The following FBXL7 variants were observed in gnomAD, a reference collection of about 807,000 sequenced individuals.
FBXL7 encodes the protein F-box and leucine rich repeat protein 7.
FBXL7 carries 12 observed loss-of-function variants against 38.3 expected under a neutral mutation model. The ratio of observed to expected loss-of-function variants is 0.31; its 90% confidence interval spans 0.20 to 0.51. The LOEUF is 0.51. FBXL7 is among the 20% of genes least tolerant of loss of function. FBXL7 has a pLI of 0.98. For synonymous variants in FBXL7, 297 were observed against 300.9 expected (o/e 0.99, Z 0.13); for missense variants, 567 against 676.4 (o/e 0.84, Z 1.79).
At chr5:15,543,276 A>G (rs372138152) in intron 1 of FBXL7, among the ~76,000 whole-genome samples, 3 of 152,340 alleles carry the variant, frequency 2.0e-5, no homozygotes, top group Admixed American at 1.3e-4. Flanking sequence ...ATGGTGGCAG[A>G]CAAGAGGGCA....
intron 2 of FBXL7, among the ~76,000 whole-genome samples, chr5:15,820,488 C>G (rs1738141087): frequency 6.6e-6 from 1 of 152,144 alleles, no homozygotes; most frequent in African/African-American, 2.4e-5. Flanking sequence ...ATCTCTCTTC[C>G]TCCCCTTCCC....
At chr5:15,535,740 G>A (rs1455825492) in intron 1 of FBXL7, among the ~76,000 whole-genome samples, 1 of 152,176 alleles carries the variant, frequency 6.6e-6, no homozygotes, top group South Asian at 2.1e-4. Flanking sequence ...GAGGGAAGCA[G>A]AACATAAAAG....
chr5:15,774,150 AT>A (rs35364016), intron 2 of FBXL7, among the ~76,000 whole-genome samples: 2 of 150,828 alleles, frequency 1.3e-5, no homozygotes, highest in Admixed American at 6.6e-5. Context: ...TGTTTCTTTG[AT>A]TTTTTTTTCA....
At chr5:15,721,913 C>T (rs1469571882) in intron 2 of FBXL7, among the ~76,000 whole-genome samples, 7 of 152,176 alleles carry the variant, frequency 4.6e-5, no homozygotes, top group Admixed American at 6.5e-5. Context: ...CAGCTCACTG[C>T]AACCTCTGCC....
chr5:15,687,017 C>G (rs1579377998), intron 2 of FBXL7, among the ~76,000 whole-genome samples: 1 of 152,320 alleles, frequency 6.6e-6, no homozygotes, highest in Non-Finnish European at 1.5e-5. Flanking sequence ...AACCCATCCC[C>G]ATATCCTGAA....
intron 1 of FBXL7, among the ~76,000 whole-genome samples, chr5:15,542,741 A>G (rs931820503): frequency 1.3e-5 from 2 of 152,228 alleles, no homozygotes; most frequent in Non-Finnish European, 2.9e-5. Context: ...TTTGATTGAG[A>G]CAAATCTAAA....
At chr5:15,798,785 TC>T (rs1737481641) in intron 2 of FBXL7, among the ~76,000 whole-genome samples, 1 of 152,176 alleles carries the variant, frequency 6.6e-6, no homozygotes. Context: ...ACCTTGAAGG[TC>T]CAGCAGATAT....
intron 1 of FBXL7, among the ~76,000 whole-genome samples, chr5:15,560,513 C>T (rs1738379845): frequency 1.3e-5 from 2 of 152,204 alleles, no homozygotes; most frequent in Non-Finnish European, 2.9e-5. Flanking sequence ...TCTCAGAGTT[C>T]TTTCCTAGGT....
At chr5:15,687,258 A>G (rs1440136076) in intron 2 of FBXL7, among the ~76,000 whole-genome samples, 1 of 152,254 alleles carries the variant, frequency 6.6e-6, no homozygotes, top group African/African-American at 2.4e-5. Flanking sequence ...TTGTAATTCA[A>G]AAGCCCTGAG....
At chr5:15,607,737 T>C (rs1027271418) in intron 1 of FBXL7, among the ~76,000 whole-genome samples, 1 of 152,230 alleles carries the variant, frequency 6.6e-6, no homozygotes, top group African/African-American at 2.4e-5. Context: ...ACCAAAATTA[T>C]CGATCCACTA....
At chr5:15,765,670 A>G (rs1433268027) in intron 2 of FBXL7, among the ~76,000 whole-genome samples, 1 of 152,156 alleles carries the variant, frequency 6.6e-6, no homozygotes, top group Non-Finnish European at 1.5e-5. Flanking sequence ...GCTCTAGGGT[A>G]AGTGGCACCA....
chr5:15,654,186 G>A lies in FBXL7; in HGVS notation c.127+38114G>A, dbSNP rs368325733. On this transcript the variant is annotated intron_variant, in intron 2 of 3. Transcript: ENST00000504595. ...AGGGTTTGCTTGTTTTTACTCTAGG[G>A]CAAAGGTGCATAACTTCTTGTAATA... is the stretch of plus-strand genomic sequence containing the variant. 1.4e-4 allele frequency among the ~76,000 whole-genome samples: 22 copies of A among 152,224 alleles called. No homozygotes were observed. In the South Asian group the frequency reaches 4.1e-3, roughly 29 times the overall value.
intron 2 of FBXL7, among the ~76,000 whole-genome samples, chr5:15,694,422 C>T (rs1743270666): frequency 6.6e-6 from 1 of 152,208 alleles, no homozygotes; most frequent in East Asian, 1.9e-4. Context: ...TGTCCCTAGC[C>T]TGACACAGGG....
At chr5:15,526,016 CTGTGTCCTTG>C (rs200825533) in intron 1 of FBXL7, among the ~76,000 whole-genome samples, 1,864 of 152,194 alleles carry the variant, frequency 0.012, 11 homozygotes, top group Admixed American at 0.019. Context: ...AAATACTGTT[CTGTGTCCTTG>C]TTGAAAATGA....
chr5:15,696,601 C>T (rs373360936), intron 2 of FBXL7, among the ~76,000 whole-genome samples: 24 of 152,206 alleles, frequency 1.6e-4, no homozygotes, highest in African/African-American at 4.1e-4. Context: ...ATATTGCTTA[C>T]GGTAAGTTTT....
At chr5:15,539,228 C>T (rs1236929105) in intron 1 of FBXL7, among the ~76,000 whole-genome samples, 2 of 152,256 alleles carry the variant, frequency 1.3e-5, no homozygotes, top group East Asian at 3.9e-4. Flanking sequence ...CGGATCTTAG[C>T]TTGGTTTGTA....
chr5:15,577,169 C>T (rs758701206), intron 1 of FBXL7, among the ~76,000 whole-genome samples: 3 of 152,144 alleles, frequency 2.0e-5, no homozygotes, highest in Admixed American at 6.5e-5. Flanking sequence ...TTCTGACAGG[C>T]GTGGTTCACT....
intron 2 of FBXL7, among the ~76,000 whole-genome samples, chr5:15,783,146 G>A (rs973576175): frequency 1.3e-5 from 2 of 152,150 alleles, no homozygotes; most frequent in East Asian, 3.9e-4. Context: ...TGTGATGGTG[G>A]GCGTGGAAGG....
intron 2 of FBXL7, among the ~76,000 whole-genome samples, chr5:15,766,074 A>ACCT (rs879754519): frequency 3.5e-5 from 3 of 86,948 alleles, no homozygotes; most frequent in Non-Finnish European, 8.1e-5. Flanking sequence ...CTACCTACCT[A>ACCT]ACAGCATCAT....
Sources: allele counts gnomAD v4.1 joint callset (sites outside exome capture counted in the v4.1 genomes callset), GRCh38; gene constraint gnomAD v4.1.1; transcripts MANE v1.5; gene names NCBI Gene and HGNC (gene_info 2026-07-23, HGNC 2026-07-21).